KEAP1: variants seen among roughly 807,000 people sequenced by gnomAD.
The protein encoded by KEAP1 is kelch-like ECH-associated protein 1.
In KEAP1, 26 loss-of-function variants were observed where a neutral mutation model predicts 59.7. The ratio of observed to expected loss-of-function variants is 0.44; its 90% CI spans 0.32 to 0.60. KEAP1 has a LOEUF of 0.60. Among genes scored for constraint, KEAP1 ranks in the 20% least tolerant of loss-of-function variants. The probability of loss-of-function intolerance (pLI) is 0.06; values close to 1 mark genes in which losing one functional copy is unlikely to be tolerated. For missense variants in KEAP1, 539 were observed against 871.4 expected (o/e 0.62, Z 4.80); for synonymous variants, 350 against 358.3 (o/e 0.98, Z 0.26).
At chr19:10,497,321 G>A (rs565085839) in intron 2 of KEAP1, among the ~76,000 whole-genome samples, 38 of 152,216 alleles carry the variant, frequency 2.5e-4, no homozygotes, top group African/African-American at 5.3e-4. Context: ...GTAACATAGA[G>A]GGTAGGAAAG....
At position 10,486,303 on chromosome 19, in the gene KEAP1, C is replaced by T. The variant is rs952257140; in HGVS notation, c.*349G>A. On this transcript the variant is annotated 3_prime_UTR_variant, in exon 6 of 6. Coordinates refer to ENST00000171111, the MANE Select transcript of KEAP1 (RefSeq NM_203500.2). ...CCCTGAGGCCCCCATTGGCCCCCTC[C>T]CAGGTATCCAAGAATAAATCACATG... The T allele has an allele frequency of 1.9e-5, 5 of 263,622 alleles. No individual in the cohort carries two copies. The highest frequency in any genetic ancestry group is 8.7e-5 in the African/African-American group (4 of 45,930). 16.3% of individuals were successfully genotyped at this position (263,622 alleles called of 1,614,324 possible).
At chr19:10,500,886 G>T (rs1434716772) in intron 1 of KEAP1, among the ~76,000 whole-genome samples, 2 of 152,086 alleles carry the variant, frequency 1.3e-5, no homozygotes, top group African/African-American at 2.4e-5. Context: ...CGCCATGTTG[G>T]CCAGGCTGGT....
intron 2 of KEAP1, among the ~76,000 whole-genome samples, chr19:10,492,912 C>G (rs1229508986): frequency 6.6e-6 from 1 of 151,116 alleles, no homozygotes; most frequent in East Asian, 2.0e-4. Context: ...ACCTCTGCCT[C>G]CCAGGTTCAA....
rs2144596759 is a variant in KEAP1 at position 10,491,636 on chromosome 19, A to G, written c.1266T>C (p.Asp422=). ...AGCCGCCGACGGCATAGATGTGGCC[A>G]TCGATGACCCCCACCCCGATGCGGT... ...PRNRIGVGVI[D]GHIYAVGGSH... Residue 422 remains aspartate (D), a synonymous_variant, in exon 3 of 6, where the codon GAT becomes GAC. Transcript: ENST00000171111. The surrounding 1 kb of genome is among the most constrained non-coding windows in gnomAD (Gnocchi z 5.2). 6.3e-7 allele frequency: 1 copy of G among 1,594,474 alleles called. No individual in the cohort carries two copies.
intron 4 of KEAP1, 122 bp from the exon 5 acceptor site, chr19:10,489,490 G>T: frequency 7.9e-7 from 1 of 1,265,324 alleles, no homozygotes; most frequent in Non-Finnish European, 1.1e-6. Context: ...AATGAAGCGG[G>T]GAGAGAGAGA....
In KEAP1 at chr19:10,499,794, T is replaced by C. The variant is rs1215286054; in HGVS notation, c.240A>G (p.Thr80=). The change falls in exon 2 of 6, where the codon ACA becomes ACG. Residue 80 remains threonine (T), a synonymous_variant. Transcript: ENST00000171111. This position sits in a 1 kb window ranked among gnomAD's most constrained non-coding sequence, Gnocchi z 6.7. ...LRLSQQLCDV[T]LQVKYQDAPA... Reference sequence around the variant, plus strand: ...GTGCATCCTGGTACTTGACCTGCAGTGTGACGTCACACAGCTGCTGGCTGA... The same window carrying C: ...GTGCATCCTGGTACTTGACCTGCAGCGTGACGTCACACAGCTGCTGGCTGA... 1 of 1,614,078 alleles carries C rather than the reference T, an allele frequency of 6.2e-7. No homozygotes were observed. The highest frequency in any genetic ancestry group is 2.2e-5 in the East Asian group (1 of 44,872).
chr19:10,486,956 C>T, intron 5 of KEAP1, 138 bp from the exon 6 acceptor site: 1 of 788,260 alleles, frequency 1.3e-6, no homozygotes, highest in Non-Finnish European at 1.9e-6. Flanking sequence ...TAGCACTTTG[C>T]AGGGCTGAGG....
chr19:10,492,445 G>A (rs1914707418), intron 2 of KEAP1, 183 bp from the exon 3 acceptor site: 1 of 598,388 alleles, frequency 1.7e-6, no homozygotes, highest in Non-Finnish European at 2.9e-6. Flanking sequence ...CCTGCCGGGC[G>A]CGGTGGCTCA....
intron 5 of KEAP1, among the ~76,000 whole-genome samples, chr19:10,488,021 G>A (rs1014007464): frequency 1.3e-5 from 2 of 152,038 alleles, no homozygotes; most frequent in African/African-American, 4.8e-5. Context: ...TCAGCTACTC[G>A]GGAGGCTGAG....
intron 2 of KEAP1, among the ~76,000 whole-genome samples, chr19:10,496,745 T>C (rs1196294753): frequency 6.6e-6 from 1 of 150,564 alleles, no homozygotes; most frequent in Non-Finnish European, 1.5e-5. Context: ...AGGCTTGCAG[T>C]GAGCCGAAAT....
intron 2 of KEAP1, among the ~76,000 whole-genome samples, chr19:10,494,552 G>C (rs991194695): frequency 1.3e-5 from 2 of 150,282 alleles, no homozygotes; most frequent in African/African-American, 4.9e-5. Flanking sequence ...AACCAGGCTG[G>C]TCTTGAACTC....
At chr19:10,500,151 G>T (rs533691108) in intron 1 of KEAP1, 71 bp from the exon 2 acceptor site, 2 of 1,079,764 alleles carry the variant, frequency 1.9e-6, no homozygotes, top group African/African-American at 1.6e-5. Context: ...GCCTCGTTTT[G>T]CAAGATAAAG....
At chr19:10,496,271 G>A (rs1172378333) in intron 2 of KEAP1, among the ~76,000 whole-genome samples, 4 of 151,676 alleles carry the variant, frequency 2.6e-5, no homozygotes, top group African/African-American at 7.3e-5. Flanking sequence ...CAAGTCGGGC[G>A]GATCACTTGA....
chr19:10,501,738 G>A (rs1669688865), intron 1 of KEAP1, among the ~76,000 whole-genome samples: 1 of 152,062 alleles, frequency 6.6e-6, no homozygotes, highest in African/African-American at 2.4e-5. Context: ...GTAGAGATGG[G>A]ATTTCACCAT....
At position 10,502,004 on chromosome 19, in the gene KEAP1, T is replaced by C. The variant is rs566554342; in HGVS notation, c.-48+1237A>G. Among the ~76,000 whole-genome samples the C allele has an allele frequency of 2.0e-5, 3 of 152,324 alleles. No individual in the cohort carries two copies. The South Asian group carries it at 6.2e-4, about 32-fold the overall frequency. On this transcript the variant is annotated intron_variant, in intron 1 of 5. Coordinates refer to ENST00000171111, the MANE Select transcript of KEAP1 (RefSeq NM_203500.2). This position sits in a 1 kb window ranked among gnomAD's most constrained non-coding sequence, Gnocchi z 4.0. The stretch of plus-strand genomic sequence containing the variant: ...TGTCAGGAACTGAAATGACCTCCTT[T>C]GCTTGTCTGTTGATCGACTGTCTCT...
intron 2 of KEAP1, among the ~76,000 whole-genome samples, chr19:10,494,295 A>T: frequency 7.2e-6 from 1 of 139,688 alleles, no homozygotes; most frequent in South Asian, 2.4e-4. Context: ...CCTCCTGAGG[A>T]TTACAGGTGT....
chr19:10,494,690 C>G (rs1436821827), intron 2 of KEAP1, among the ~76,000 whole-genome samples: 8 of 138,482 alleles, frequency 5.8e-5, no homozygotes, highest in Non-Finnish European at 1.2e-4. Flanking sequence ...GAGTCTCGCT[C>G]TGTCGCCCAG....
At position 10,494,687 on chromosome 19, in the gene KEAP1, G is replaced by A. The variant is rs1344246728; in HGVS notation, c.640-2425C>T. On this transcript the variant is annotated intron_variant, in intron 2 of 5. Coordinates refer to ENST00000171111, the MANE Select transcript of KEAP1 (RefSeq NM_203500.2). ...TTTTTTTTTTTTGAGATGGAGTCTCGCTCTGTCGCCCAGGCTGGAGTGCAG... is the reference window on the plus strand; with the variant it reads ...TTTTTTTTTTTTGAGATGGAGTCTCACTCTGTCGCCCAGGCTGGAGTGCAG... Among the ~76,000 whole-genome samples, 10 of 131,226 alleles carry A rather than the reference G, an allele frequency of 7.6e-5. No individual in the cohort carries two copies. The East Asian group carries it at 1.1e-3, about 15-fold the overall frequency. The allele number at this position is 131,226 out of a possible 152,430, so 86.1% of individuals were successfully genotyped here. A position where few individuals can be genotyped will look rare whatever the true frequency, so the allele number is the denominator to read the frequency against.
In KEAP1 at chr19:10,486,518, ACT is replaced by A; in HGVS notation, c.*132_*133del. ...ACTTCTTTTGAGATGTCATTTTAAC[ACT>A]GAGGCATCCTGGCCTCCCTTCCCGG... is the stretch of plus-strand genomic sequence containing the variant. On this transcript the variant is annotated 3_prime_UTR_variant, in exon 6 of 6. Coordinates refer to ENST00000171111, the MANE Select transcript of KEAP1 (RefSeq NM_203500.2). 3.4e-6 allele frequency: 3 copies of A among 886,112 alleles called. No homozygotes were observed. The highest frequency in any genetic ancestry group is 5.3e-6 in the Non-Finnish European group (3 of 562,588). The allele number at this position is 886,112 out of a possible 1,614,324, so 54.9% of individuals were successfully genotyped here.
Sources: allele counts gnomAD v4.1 joint callset (sites outside exome capture counted in the v4.1 genomes callset), GRCh38; gene constraint gnomAD v4.1.1; non-coding constraint Gnocchi (gnomAD v3.1); transcripts MANE v1.5; gene names NCBI Gene and HGNC (gene_info 2026-07-23, HGNC 2026-07-21).